PTGER3: variants seen among roughly 807,000 people sequenced by gnomAD.
The protein encoded by PTGER3 is prostaglandin E2 receptor EP3 subtype.
In PTGER3, 22 loss-of-function variants were observed where a neutral mutation model predicts 34.7. The observed-to-expected ratio is 0.63, with a 90% confidence interval of 0.45 to 0.91. The LOEUF (loss-of-function observed/expected upper bound fraction) is 0.91. Among genes scored for constraint, PTGER3 ranks in the 40% least tolerant of loss-of-function variants. The pLI, the probability that PTGER3 is intolerant of heterozygous loss-of-function variation, is 0.00. For synonymous variants in PTGER3, 241 were observed against 230.1 expected (o/e 1.05, Z -0.43); for missense variants, 468 against 519.4 (o/e 0.90, Z 0.96).
intron 4 of PTGER3, among the ~76,000 whole-genome samples, chr1:70,935,727 G>T (rs1264989514): frequency 1.3e-5 from 2 of 148,744 alleles, no homozygotes; most frequent in Non-Finnish European, 3.0e-5. Flanking sequence ...CATTCAGAAT[G>T]TGCATGCAAA....
intron 4 of PTGER3, among the ~76,000 whole-genome samples, chr1:70,890,951 C>T (rs1340151333): frequency 6.6e-6 from 1 of 152,128 alleles, no homozygotes; most frequent in African/African-American, 2.4e-5. Flanking sequence ...ATAATAAGCC[C>T]TCTTACTTTC....
At position 70,971,506 on chromosome 1, in the gene PTGER3, A is replaced by G; in HGVS notation, c.*224T>C. 1 of 1,206,640 alleles carries G rather than the reference A, an allele frequency of 8.3e-7. No homozygotes were observed. The highest frequency in any genetic ancestry group is 3.5e-5 in the East Asian group (1 of 28,402). 74.7% of individuals were successfully genotyped at this position (1,206,640 alleles called of 1,614,324 possible). A position where few individuals can be genotyped will look rare whatever the true frequency, so the allele number is the denominator to read the frequency against. ...ATTCTTCCCAACTTCTTAAATGCAT[A>G]TTCAAAATCCCATCCAAGAAACCAA... On this transcript the variant is annotated 3_prime_UTR_variant, in exon 4 of 4. Coordinates refer to ENST00000306666, the MANE Select transcript of PTGER3 (RefSeq NM_198719.2).
intron 4 of PTGER3, among the ~76,000 whole-genome samples, chr1:70,877,334 CA>C (rs1165867418): frequency 6.6e-6 from 1 of 152,096 alleles, no homozygotes; most frequent in Non-Finnish European, 1.5e-5. Context: ...AGTTTTTTAT[CA>C]GATCTAAGAG....
chr1:71,006,267 T>C (rs2744916), intron 2 of PTGER3: 877,398 of 985,388 alleles, frequency 0.89, 391,146 homozygotes, highest in African/African-American at 0.98. Flanking sequence ...TCCTTGGATA[T>C]CTTTTCTCAC....
At chr1:71,007,213 T>C (rs1383331850) in intron 2 of PTGER3, 1 of 985,540 alleles carries the variant, frequency 1.0e-6, no homozygotes, top group Non-Finnish European at 1.2e-6. Context: ...TTTCAGCTCC[T>C]CCTAGGCACA....
At chr1:70,874,437 G>A (rs931345243) in intron 4 of PTGER3, among the ~76,000 whole-genome samples, 1 of 152,146 alleles carries the variant, frequency 6.6e-6, no homozygotes, top group African/African-American at 2.4e-5. Flanking sequence ...AGCTCCTCTG[G>A]CTGGTTCCTT....
chr1:70,945,079 T>A (rs571724316), intron 4 of PTGER3, among the ~76,000 whole-genome samples: 1 of 152,182 alleles, frequency 6.6e-6, no homozygotes, highest in Non-Finnish European at 1.5e-5. Context: ...AGCTAGTGGC[T>A]GAGGAACTAT....
intron 4 of PTGER3, among the ~76,000 whole-genome samples, chr1:70,888,420 T>A (rs1356532075): frequency 6.6e-6 from 1 of 152,210 alleles, no homozygotes; most frequent in Non-Finnish European, 1.5e-5. Context: ...TACAACATGA[T>A]GTTTTGATAC....
intron 2 of PTGER3, among the ~76,000 whole-genome samples, chr1:70,999,288 G>T (rs1313774864): frequency 6.6e-6 from 1 of 152,142 alleles, no homozygotes; most frequent in Non-Finnish European, 1.5e-5. Flanking sequence ...GTTTGGAGAC[G>T]CTGAGATTTT....
chr1:71,038,852 C>T (rs1333683746), intron 1 of PTGER3, among the ~76,000 whole-genome samples: 1 of 152,118 alleles, frequency 6.6e-6, no homozygotes, highest in Admixed American at 6.5e-5. Flanking sequence ...CTGTTCAGTC[C>T]CAACATTTCT....
chr1:70,890,505 C>T (rs1307686167), intron 4 of PTGER3, among the ~76,000 whole-genome samples: 1 of 152,206 alleles, frequency 6.6e-6, no homozygotes, highest in Non-Finnish European at 1.5e-5. Context: ...ATGCTACAAT[C>T]TACTTTAAGT....
chr1:71,011,397 A>C (rs1159976825), intron 2 of PTGER3: 2 of 985,082 alleles, frequency 2.0e-6, no homozygotes, highest in Non-Finnish European at 2.4e-6. Context: ...TGAATAATCA[A>C]GGGAAATATA....
chr1:70,977,555 C>G (rs895235876), intron 2 of PTGER3, among the ~76,000 whole-genome samples: 4 of 152,046 alleles, frequency 2.6e-5, no homozygotes, highest in African/African-American at 9.7e-5. Context: ...TTCAGAATTT[C>G]AAGGCCAGAA....
At chr1:70,930,488 T>G (rs17090683) in intron 4 of PTGER3, among the ~76,000 whole-genome samples, 1,837 of 152,280 alleles carry the variant, frequency 0.012, 37 homozygotes, top group African/African-American at 0.042. Context: ...AGAAAATTTG[T>G]TTTCCTCTTG....
intron 4 of PTGER3, among the ~76,000 whole-genome samples, chr1:70,870,685 C>T (rs1557617687): frequency 6.6e-6 from 1 of 152,168 alleles, no homozygotes; most frequent in Non-Finnish European, 1.5e-5. Context: ...AATCTAGATA[C>T]CTTAGGTTGT....
downstream of PTGER3, among the ~76,000 whole-genome samples, chr1:70,949,876 C>T (rs185700335): frequency 6.6e-6 from 1 of 152,230 alleles, no homozygotes; most frequent in Non-Finnish European, 1.5e-5. Flanking sequence ...TAGAGAGAGG[C>T]TTGCTGGGGA....
At chr1:70,940,448 A>G (rs9424956) in intron 4 of PTGER3, among the ~76,000 whole-genome samples, 43,090 of 152,010 alleles carry the variant, frequency 0.28, 6,889 homozygotes, top group African/African-American at 0.43. Context: ...TACTGGTACC[A>G]CTTTACTGTA....
intron 4 of PTGER3, among the ~76,000 whole-genome samples, chr1:70,919,749 A>G (rs1270227326): frequency 1.3e-5 from 2 of 152,146 alleles, no homozygotes; most frequent in East Asian, 1.9e-4. Flanking sequence ...CTGAATCTGT[A>G]TTTAATGGAA....
intron 4 of PTGER3, among the ~76,000 whole-genome samples, chr1:70,876,498 A>G (rs1374626060): frequency 1.3e-5 from 2 of 151,842 alleles, no homozygotes; most frequent in African/African-American, 2.4e-5. Flanking sequence ...TTTTGTTGCA[A>G]TTGTTTTTGG....
Sources: allele counts gnomAD v4.1 joint callset (sites outside exome capture counted in the v4.1 genomes callset), GRCh38; gene constraint gnomAD v4.1.1; transcripts MANE v1.5; gene names NCBI Gene and HGNC (gene_info 2026-07-23, HGNC 2026-07-21).